The following WDR90 variants were observed in gnomAD, a reference collection of about 807,000 sequenced individuals.
WDR90 encodes WD repeat-containing protein 90.
A neutral mutation model predicts 195.2 loss-of-function variants in WDR90; 238 were observed. That is an observed-to-expected ratio of 1.22 (90% CI 1.10 to 1.36). The LOEUF (loss-of-function observed/expected upper bound fraction) is 1.36. WDR90 is among the 40% of genes most tolerant of loss of function. The pLI is 0.00. For missense variants in WDR90, 2,734 were observed against 2,439.5 expected (o/e 1.12, Z -2.54); for synonymous variants, 1,265 against 1,052.4 (o/e 1.20, Z -3.91).
chr16:667,400 G>A, intron 40 of WDR90, 32 bp from the exon 41 acceptor site: 1 of 1,571,114 alleles, frequency 6.4e-7, no homozygotes, highest in South Asian at 1.2e-5. Context: ...GCCTGGTCCT[G>A]GCCCTGGCCC....
At position 666,532 on chromosome 16, in the gene WDR90, C is replaced by T. The variant is rs746717911; in HGVS notation, c.4818C>T (p.Ser1606=). 1.1e-5 allele frequency: 18 copies of T among 1,612,630 alleles called. No homozygotes were observed. The highest frequency in any genetic ancestry group is 8.8e-5 in the South Asian group (8 of 91,086). The stretch of plus-strand genomic sequence containing the variant: ...ACCAGCGGGTCAGCGTCTGGGCCTC[C>T]GACTGGCTGCGGAACCACTGTGAGC... ...SGDQRVSVWA[S]DWLRNHCELV... is the part of the protein sequence containing the mutation. The change falls in exon 38 of 41, where the codon TCC becomes TCT. Residue 1606 remains serine, a synonymous_variant. Coordinates refer to ENST00000293879, the MANE Select transcript of WDR90 (RefSeq NM_145294.5).
Position 658,900 on chromosome 16 carries a change from A to T in WDR90, c.2900A>T (p.Tyr967Phe). ...ATQASPGPQV[Y>F]IGHSEPVQAV... ...ATGTGACGCCGCTACCCCTAGGTGT[A>T]CATCGGCCACTCGGAACCCGTGCAG... is the stretch of plus-strand genomic sequence containing the variant. Residue 967 changes from tyrosine to phenylalanine, a missense_variant, in exon 24 of 41, where the codon TAC becomes TTC. Transcript: ENST00000293879. 6.2e-7 allele frequency: 1 copy of T among 1,611,832 alleles called. No homozygotes were observed. The highest frequency in any genetic ancestry group is 2.2e-5 in the East Asian group (1 of 44,878).
rs548521204 is a variant in WDR90 at position 656,371 on chromosome 16, C to T, written c.2036C>T (p.Ser679Leu). 3.7e-5 allele frequency: 60 copies of T among 1,609,514 alleles called. No homozygotes were observed. In the African/African-American group the frequency reaches 3.9e-4, roughly 10 times the overall value. ...CTCCGTGTGCTGTCTGCCACCTCCT[C>T]GGGCCACCTGGGCTTCCTGGACACG... ...DGLRVLSATS[S>L]GHLGFLDTLS... The change falls in exon 18 of 41, where the codon TCG (serine) becomes TTG (leucine). Residue 679 changes from serine to leucine, a missense_variant. Coordinates refer to ENST00000293879, the MANE Select transcript of WDR90 (RefSeq NM_145294.5).
intron 27 of WDR90, among the ~76,000 whole-genome samples, chr16:660,396 C>T (rs568950951): frequency 2.6e-4 from 39 of 152,346 alleles, no homozygotes; most frequent in African/African-American, 9.4e-4. Flanking sequence ...TCTCACCCAG[C>T]AGCTGCCCTT....
rs1449088354 is a variant in WDR90, at chr16:650,604, C to T, written c.454C>T (p.Leu152Phe). The change falls in exon 5 of 41, where the codon CTC becomes TTC. Residue 152 changes from leucine to phenylalanine, a missense_variant. Leu to Phe is a conservative substitution (Grantham distance 22, BLOSUM62 0). Coordinates refer to ENST00000293879, the MANE Select transcript of WDR90 (RefSeq NM_145294.5). ...TCLQLDLQDV[L>F]LVYLNRCYGH... ...CCTGCAGCTCGATCTGCAGGACGTT[C>T]TCCTGGTCTACCTGAACCGGTGCTA... is the stretch of plus-strand genomic sequence containing the variant. The T allele has an allele frequency of 3.7e-6, 6 of 1,612,798 alleles. No individual in the cohort carries two copies. The Admixed American group carries it at 5.0e-5, about 13-fold the overall frequency.
Position 651,276 on chromosome 16 carries a change from G to T in WDR90, c.736+10G>T, listed in dbSNP as rs1186415307. 6.2e-7 allele frequency: 1 copy of T among 1,612,760 alleles called. No individual in the cohort carries two copies. The highest frequency in any genetic ancestry group is 1.1e-5 in the South Asian group (1 of 91,050). ...TCCCCTCCTGAGGCAGGTGGGTCTG[G>T]GGGGTCAGCGGGGACCCAGGTTAAG... On this transcript the variant is annotated intron_variant, in intron 7 of 40. Transcript: ENST00000293879.
intron 28 of WDR90, 41 bp from the exon 29 acceptor site, chr16:661,010 C>CA: frequency 7.9e-6 from 1 of 126,850 alleles, no homozygotes; most frequent in Non-Finnish European, 1.1e-5. Flanking sequence ...GCCCCCCCCC[C>CA]CCCCCGGCCC....
chr16:658,967 AG>A lies in WDR90; in HGVS notation c.2971del (p.Asp991ThrfsTer120). 6.2e-7 allele frequency: 1 copy of A among 1,612,972 alleles called. No homozygotes were observed. On this transcript the variant is annotated frameshift_variant, in exon 24 of 41. Coordinates refer to ENST00000293879, the MANE Select transcript of WDR90 (RefSeq NM_145294.5). LOFTEE classifies it high-confidence loss of function. ...CTGACCAGCAGCAGGTCCTCAGCGC[AG>A]GGGACGCCGTCTTCCTCTGGGATGT... is the stretch of plus-strand genomic sequence containing the variant. Reference protein sequence around the residue: ...SPDQQQVLSAGDAVFLWDVLA... With the variant: ...SPDQQQVLSAXDAVFLWDVLA...
Position 666,326 on chromosome 16 carries a change from T to C in WDR90, c.4716T>C (p.Ser1572=), listed in dbSNP as rs2060519162. Residue 1572 remains serine (S), a synonymous_variant, in exon 37 of 41, where the codon TCT becomes TCC. Coordinates refer to ENST00000293879, the MANE Select transcript of WDR90 (RefSeq NM_145294.5). Reference sequence around the variant, plus strand: ...GTGACCACCAGGGCGCCCCAATCTCTACCATCTGTGTCACGTGCAAAGAGG... The same window carrying C: ...GTGACCACCAGGGCGCCCCAATCTCCACCATCTGTGTCACGTGCAAAGAGG... ...VLSDHQGAPI[S]TICVTCKECE... The C allele has an allele frequency of 2.5e-6, 4 of 1,612,588 alleles. No individual in the cohort carries two copies. The highest frequency in any genetic ancestry group is 3.4e-6 in the Non-Finnish European group (4 of 1,179,962).
intron 21 of WDR90, 112 bp from the exon 22 acceptor site, chr16:658,071 G>C (rs2071831): frequency 0.26 from 388,640 of 1,477,422 alleles, 57,744 homozygotes; most frequent in East Asian, 0.68. Context: ...CAGGGCAGGT[G>C]CTGCCTGGGT....
At chr16:649,547 C>G in intron 1 of WDR90, 121 bp downstream of exon 1, 1 of 1,241,750 alleles carries the variant, frequency 8.1e-7, no homozygotes, top group Non-Finnish European at 1.0e-6. Context: ...CCCGCTCAGG[C>G]AGGGTCCCGT....
At chr16:649,313 T>A (rs1028316771), upstream of WDR90, 1 of 1,275,136 alleles carries the variant, frequency 7.8e-7, no homozygotes, top group East Asian at 3.1e-5. Flanking sequence ...GCGGAAGTAA[T>A]GGCGGAAGTG....
rs1596464041 is a variant in WDR90 at position 657,845 on chromosome 16, C to A, written c.2557C>A (p.Pro853Thr). The A allele has an allele frequency of 6.3e-7, 1 of 1,587,864 alleles. No individual in the cohort carries two copies. Among genetic ancestry groups the A allele is most frequent in the Non-Finnish European group, 8.6e-7 (1 of 1,167,800 alleles). Residue 853 changes from proline to threonine, a missense_variant, in exon 21 of 41, where the codon CCC (proline) becomes ACC (threonine). Physicochemically the swap from Pro to Thr is conservative, Grantham distance 38. Transcript: ENST00000293879. The part of the protein sequence containing the change: ...RDGRLLAFVG[P>T]SRCTVTVMGS... The stretch of plus-strand genomic sequence containing the variant: ...TGGCCGCCTGCTGGCCTTTGTGGGA[C>A]CCTCCAGGTGCACAGTGACAGTCAT...
chr16:651,196 A>C lies in WDR90; in HGVS notation c.669-3A>C, dbSNP rs764872665. The C allele has an allele frequency of 5.6e-6, 9 of 1,613,158 alleles. No individual in the cohort carries two copies. Among genetic ancestry groups the C allele is most frequent in the Non-Finnish European group, 6.8e-6 (8 of 1,179,970 alleles). ...GACACTGACTCTCCCTCTGCCTGCC[A>C]AGGTTTCCAAGTGAGAGCTTGAAAG... On this transcript the variant is annotated splice_region_variant and splice_polypyrimidine_tract_variant and intron_variant, in intron 6 of 40. Transcript: ENST00000293879.
In WDR90 at chr16:656,340, G is replaced by C. The variant is rs900574481; in HGVS notation, c.2005G>C (p.Asp669His). 1 of 1,420,294 alleles carries C rather than the reference G, an allele frequency of 7.0e-7. No individual in the cohort carries two copies. 88.0% of individuals were successfully genotyped at this position (1,420,294 alleles called of 1,614,324 possible). ...GPVSSVCVSP[D>H]GLRVLSATSS... ...CGTCAGCTCAGTCTGTGTCAGCCCC[G>C]ATGGCCTCCGTGTGCTGTCTGCCAC... is the stretch of plus-strand genomic sequence containing the variant. Residue 669 changes from aspartate to histidine, a missense_variant, in exon 18 of 41, where the codon GAT becomes CAT. Coordinates refer to ENST00000293879, the MANE Select transcript of WDR90 (RefSeq NM_145294.5).
chr16:651,025 C>G lies in WDR90; in HGVS notation c.590C>G (p.Pro197Arg). 1.2e-6 allele frequency: 2 copies of G among 1,613,376 alleles called. No homozygotes were observed. ...AISGAQWAKL[P>R]VTPMPREMAF... ...TCTGGGGCCCAGTGGGCAAAGCTGCCCGTGACTCCTATGCCTCGGGAAATG... is the reference window on the plus strand; with the variant it reads ...TCTGGGGCCCAGTGGGCAAAGCTGCGCGTGACTCCTATGCCTCGGGAAATG... The change falls in exon 6 of 41, where the codon CCC (proline) becomes CGC (arginine). Residue 197 changes from proline to arginine, a missense_variant. Physicochemically the swap from Pro to Arg is moderately radical, Grantham distance 103 (BLOSUM62 -2). Coordinates refer to ENST00000293879, the MANE Select transcript of WDR90 (RefSeq NM_145294.5).
chr16:657,066 A>C (rs1401086811), intron 19 of WDR90, 25 bp from the exon 20 acceptor site: 1 of 1,594,466 alleles, frequency 6.3e-7, no homozygotes, highest in African/African-American at 1.3e-5. Flanking sequence ...GGCTAGGGCC[A>C]GCGGGGTCCC....
In WDR90 at chr16:657,887, G is replaced by C. The variant is rs750952242; in HGVS notation, c.2599G>C (p.Asp867His). The change falls in exon 21 of 41, where the codon GAT (aspartate) becomes CAT (histidine). Residue 867 changes from aspartate to histidine, a missense_variant. Transcript: ENST00000293879. ...GACAGTCATGGGCTCGGCCTCCCTT[G>C]ATGAGGTGAGTCCGCAGCCCTCCTG... Reference protein sequence around the residue: ...TVTVMGSASLDELLRVDIGTL... With the variant: ...TVTVMGSASLHELLRVDIGTL... The C allele has an allele frequency of 1.9e-6, 3 of 1,577,030 alleles. No homozygotes were observed. The East Asian group carries it at 6.9e-5, about 36-fold the overall frequency.
rs1294485549 is a variant in WDR90, at chr16:650,358, G to C, written c.384G>C (p.Gln128His). 6.2e-7 allele frequency: 1 copy of C among 1,611,898 alleles called. No homozygotes were observed. Among genetic ancestry groups the C allele is most frequent in the African/African-American group, 1.3e-5 (1 of 74,916 alleles). ...TGGTCCTGGAGGCCAGGACACCTCA[G>C]AGAGGTGACACCAAGATGGGGTGTG... ...FPLVLEARTP[Q>H]RDLVGLAPSG... Residue 128 changes from glutamine to histidine, a missense_variant, in exon 4 of 41, where the codon CAG becomes CAC. Coordinates refer to ENST00000293879, the MANE Select transcript of WDR90 (RefSeq NM_145294.5).
Sources: allele counts gnomAD v4.1 joint callset (sites outside exome capture counted in the v4.1 genomes callset), GRCh38; gene constraint gnomAD v4.1.1; transcripts MANE v1.5; gene names NCBI Gene and HGNC (gene_info 2026-07-23, HGNC 2026-07-21).